Variants in NWD2 observed in about 807,000 individuals in gnomAD.
The protein encoded by NWD2 is NACHT and WD repeat domain containing 2, also known as NACHT and WD repeat domain-containing protein 2.
A neutral mutation model predicts 132.7 loss-of-function variants in NWD2; 37 were observed. That is an observed-to-expected ratio of 0.28 (90% CI 0.21 to 0.37). The LOEUF (loss-of-function observed/expected upper bound fraction) is 0.37, where lower values mean the gene tolerates loss of function less well. Among genes scored for constraint, NWD2 ranks in the 10% least tolerant of loss-of-function variants. The pLI is 1.00. For missense variants in NWD2, 1,592 were observed against 2,122.4 expected, an observed-to-expected ratio of 0.75 and a Z score of 4.91; for synonymous variants, 705 against 803.0, an observed-to-expected ratio of 0.88 and a Z score of 2.06.
chr4:37,430,478 A>G (rs1401835779), intron 3 of NWD2, 94 bp from the exon 4 acceptor site: 25 of 859,096 alleles, frequency 2.9e-5, no homozygotes, highest in Non-Finnish European at 4.2e-5. Context: ...CTTGTTATCT[A>G]TTGATTAATA....
At chr4:37,337,603 C>A (rs540960237) in intron 2 of NWD2, among the ~76,000 whole-genome samples, 1 of 152,316 alleles carries the variant, frequency 6.6e-6, no homozygotes, top group South Asian at 2.1e-4. Flanking sequence ...TTTGTCAGCT[C>A]TTCATTGCTG....
chr4:37,426,769 C>T (rs1712021123), intron 3 of NWD2, among the ~76,000 whole-genome samples: 1 of 152,148 alleles, frequency 6.6e-6, no homozygotes, highest in South Asian at 2.1e-4. Flanking sequence ...TAGCAACCTA[C>T]ATTTTAGCAA....
At chr4:37,418,276 T>A (rs1711685254) in intron 3 of NWD2, among the ~76,000 whole-genome samples, 1 of 132,512 alleles carries the variant, frequency 7.5e-6, no homozygotes, top group South Asian at 2.7e-4. Flanking sequence ...AAAATCTGAA[T>A]AAATATCAAT....
intron 1 of NWD2, among the ~76,000 whole-genome samples, chr4:37,308,285 A>C (rs145646366): frequency 2.0e-5 from 3 of 152,096 alleles, no homozygotes; most frequent in Non-Finnish European, 4.4e-5. Context: ...AGATGTGTTA[A>C]TTGAATAGAG....
intron 3 of NWD2, among the ~76,000 whole-genome samples, chr4:37,403,486 CA>C (rs1218652353): frequency 1.3e-5 from 2 of 152,128 alleles, no homozygotes; most frequent in Non-Finnish European, 2.9e-5. Context: ...CAGGGGGAAA[CA>C]AACTCCTAGG....
intron 1 of NWD2, among the ~76,000 whole-genome samples, chr4:37,254,284 T>C (rs1198479074): frequency 6.6e-6 from 1 of 152,226 alleles, no homozygotes; most frequent in Non-Finnish European, 1.5e-5. Context: ...TGGCAATATG[T>C]ATTTCACTGA....
chr4:37,277,027 T>C (rs1465661311), intron 1 of NWD2, among the ~76,000 whole-genome samples: 1 of 151,900 alleles, frequency 6.6e-6, no homozygotes. Context: ...AAGATATACC[T>C]AGTGTTGAAT....
chr4:37,318,945 T>C (rs994540827), intron 1 of NWD2, among the ~76,000 whole-genome samples: 1 of 152,214 alleles, frequency 6.6e-6, no homozygotes, highest in Non-Finnish European at 1.5e-5. Flanking sequence ...AAAATGCAAA[T>C]GCATCTGTAT....
Position 37,403,723 on chromosome 4 carries a change from C to T in NWD2, c.358-26849C>T, listed in dbSNP as rs192535903. Among the ~76,000 whole-genome samples the T allele has an allele frequency of 6.5e-4, 99 of 152,238 alleles. 1 individual carries two copies. Among genetic ancestry groups the T allele is most frequent in the South Asian group, 4.6e-3 (22 of 4,822 alleles). On this transcript the variant is annotated intron_variant, in intron 3 of 6. Transcript: ENST00000309447. ...GTTTCTGCATTACATACACTGCAAA[C>T]ATGGGGTTCACATTTGTGAAACATT...
intron 3 of NWD2, among the ~76,000 whole-genome samples, chr4:37,410,693 A>G (rs762354814): frequency 6.6e-6 from 1 of 152,232 alleles, no homozygotes; most frequent in Non-Finnish European, 1.5e-5. Flanking sequence ...CAGAATGTAC[A>G]TTCTTCTCAG....
intron 1 of NWD2, among the ~76,000 whole-genome samples, chr4:37,300,504 G>A (rs909724887): frequency 1.4e-4 from 22 of 152,026 alleles, no homozygotes; most frequent in African/African-American, 4.6e-4. Flanking sequence ...ATGCTACTTT[G>A]AAGGGGCTTT....
chr4:37,385,743 G>A (rs1429717471), intron 3 of NWD2, among the ~76,000 whole-genome samples: 2 of 152,150 alleles, frequency 1.3e-5, no homozygotes, highest in Admixed American at 6.6e-5. Flanking sequence ...AAACTGGTTG[G>A]ACAAGATGTT....
intron 1 of NWD2, among the ~76,000 whole-genome samples, chr4:37,267,448 C>A (rs1316874041): frequency 6.6e-6 from 1 of 151,932 alleles, no homozygotes; most frequent in Non-Finnish European, 1.5e-5. Flanking sequence ...TCAGAGCCCA[C>A]GGTTTTTAAG....
intron 1 of NWD2, among the ~76,000 whole-genome samples, chr4:37,306,716 G>A (rs1237757262): frequency 6.6e-6 from 1 of 152,100 alleles, no homozygotes; most frequent in Non-Finnish European, 1.5e-5. Context: ...AGCCTACCAT[G>A]TGATCTATCC....
chr4:37,384,336 C>T (rs1339687290), intron 3 of NWD2, among the ~76,000 whole-genome samples: 2 of 152,164 alleles, frequency 1.3e-5, no homozygotes. Flanking sequence ...AAAGCGTTTG[C>T]GTTCTTCCTT....
intron 1 of NWD2, among the ~76,000 whole-genome samples, chr4:37,262,155 A>G (rs921495471): frequency 6.6e-6 from 1 of 152,224 alleles, no homozygotes; most frequent in Admixed American, 6.5e-5. Flanking sequence ...AAGAAATAAG[A>G]TCAAGGAACT....
chr4:37,372,838 A>G (rs1577682580), intron 3 of NWD2, among the ~76,000 whole-genome samples: 1 of 152,318 alleles, frequency 6.6e-6, no homozygotes, highest in East Asian at 1.9e-4. Context: ...AGTCTCCTAT[A>G]AAAGCTATTA....
chr4:37,274,829 A>G (rs963116694), intron 1 of NWD2, among the ~76,000 whole-genome samples: 1 of 152,014 alleles, frequency 6.6e-6, no homozygotes, highest in African/African-American at 2.4e-5. Flanking sequence ...AAAGACAAAA[A>G]CCACATGATT....
In NWD2 at chr4:37,444,620, G is replaced by C. The variant is rs1350927444; in HGVS notation, c.2632G>C (p.Glu878Gln). 1.9e-6 allele frequency: 3 copies of C among 1,552,110 alleles called. No individual in the cohort carries two copies. The highest frequency in any genetic ancestry group is 2.6e-6 in the Non-Finnish European group (3 of 1,147,088). Reference sequence around the variant, plus strand: ...GTTTGACAAAGTGCTTTCAGACATTGAGCTGGCTTACAACTACTCGCAAGA... The same window carrying C: ...GTTTGACAAAGTGCTTTCAGACATTCAGCTGGCTTACAACTACTCGCAAGA... ...GQFDKVLSDI[E>Q]LAYNYSQEKE... The change falls in exon 7 of 7, where the codon GAG (glutamate) becomes CAG (glutamine). Residue 878 changes from glutamate to glutamine, a missense_variant. Transcript: ENST00000309447. The surrounding 1 kb of genome is among the most constrained non-coding windows in gnomAD (Gnocchi z 4.8).
Sources: gnomAD v4.1 joint callset for allele counts (sites outside exome capture counted in the v4.1 genomes callset) on GRCh38, gnomAD v4.1.1 for gene constraint, Gnocchi (gnomAD v3.1) non-coding constraint, MANE v1.5 for transcripts, NCBI Gene and HGNC (gene_info 2026-07-23, HGNC 2026-07-21) for gene names.